JARID2: variants seen among roughly 807,000 people sequenced by gnomAD.
JARID2 encodes the protein jumonji and AT-rich interaction domain containing 2, also known as protein Jumonji.
JARID2 carries 21 observed loss-of-function variants against 125.6 expected under a neutral mutation model. That is an observed-to-expected ratio of 0.17 (90% CI 0.12 to 0.24). The LOEUF (loss-of-function observed/expected upper bound fraction) is 0.24, where lower values mean the gene tolerates loss of function less well. Among genes scored for constraint, JARID2 ranks in the 10% least tolerant of loss-of-function variants. The pLI, the probability that JARID2 is intolerant of heterozygous loss-of-function variation, is 1.00. For synonymous variants in JARID2, 736 were observed against 661.6 expected, an observed-to-expected ratio of 1.11 and a Z score of -1.73; for missense variants, 1,303 against 1,639.6, an observed-to-expected ratio of 0.79 and a Z score of 3.55.
At chr6:15,279,772 C>T (rs781754836) in intron 1 of JARID2, among the ~76,000 whole-genome samples, 1 of 152,220 alleles carries the variant, frequency 6.6e-6, no homozygotes, top group Non-Finnish European at 1.5e-5. Flanking sequence ...CTTTCCTGCT[C>T]AGGTTCTCAT....
At chr6:15,387,942 G>T (rs1025936755) in intron 2 of JARID2, among the ~76,000 whole-genome samples, 3 of 152,066 alleles carry the variant, frequency 2.0e-5, no homozygotes, top group African/African-American at 4.8e-5. Context: ...GTGACTCCCA[G>T]CCATTTTTTA....
At chr6:15,298,321 AGTT>A (rs1761485169) in intron 1 of JARID2, among the ~76,000 whole-genome samples, 1 of 152,196 alleles carries the variant, frequency 6.6e-6, no homozygotes, top group African/African-American at 2.4e-5. Context: ...TTTCATTAGC[AGTT>A]GTTAGTGCAA....
chr6:15,520,423 G>A lies in JARID2; in HGVS notation c.*172G>A. The A allele has an allele frequency of 1.9e-6, 1 of 536,034 alleles. No homozygotes were observed. Among genetic ancestry groups the A allele is most frequent in the South Asian group, 3.1e-5 (1 of 32,398 alleles). 33.2% of individuals were successfully genotyped at this position (536,034 alleles called of 1,614,324 possible). On this transcript the variant is annotated 3_prime_UTR_variant, in exon 18 of 18. Transcript: ENST00000341776. ...GCATTAAACTGTTGAACTTTTTTTT[G>A]TACTTAGAAAACCTAGATACTGCAG...
intron 3 of JARID2, among the ~76,000 whole-genome samples, chr6:15,416,059 G>A (rs1355655689): frequency 1.3e-5 from 2 of 151,820 alleles, no homozygotes; most frequent in African/African-American, 4.8e-5. Flanking sequence ...GGGGCGGCGG[G>A]GCAGAGGCGC....
At chr6:15,505,347 G>GGT (rs1394624170) in intron 9 of JARID2, 2 of 139,746 alleles carry the variant, frequency 1.4e-5, no homozygotes, top group African/African-American at 2.7e-5. Context: ...CTTTTGCTGT[G>GGT]TTTTTTTTTT....
chr6:15,265,093 C>T (rs762200909), intron 1 of JARID2, among the ~76,000 whole-genome samples: 7 of 152,124 alleles, frequency 4.6e-5, no homozygotes, highest in South Asian at 2.1e-4. Context: ...CATTCCAGTG[C>T]GCAGTGTGCA....
chr6:15,415,348 C>T (rs1295571715), intron 3 of JARID2, among the ~76,000 whole-genome samples: 16 of 152,206 alleles, frequency 1.1e-4, no homozygotes, highest in African/African-American at 2.2e-4. Flanking sequence ...CCAGACGGGG[C>T]GGTGGCCGGG....
intron 1 of JARID2, among the ~76,000 whole-genome samples, chr6:15,306,604 C>T (rs545153796): frequency 5.9e-5 from 9 of 152,040 alleles, no homozygotes; most frequent in Non-Finnish European, 1.3e-4. Flanking sequence ...TCCCAAAGTA[C>T]TGGGATTACA....
chr6:15,415,414 CCCAGACGGGGCGGCTGG>C (rs2127577081), intron 3 of JARID2, among the ~76,000 whole-genome samples: 1 of 151,674 alleles, frequency 6.6e-6, no homozygotes, highest in African/African-American at 2.4e-5. Flanking sequence ...CCCCTCACCT[CCCAGACGGGGCGGCTGG>C]CCGGGCGGGG....
At chr6:15,387,897 A>G (rs1211086879) in intron 2 of JARID2, among the ~76,000 whole-genome samples, 2 of 152,138 alleles carry the variant, frequency 1.3e-5, no homozygotes, top group Admixed American at 1.3e-4. Flanking sequence ...AGGGAATCCT[A>G]TCTGTTTAAC....
chr6:15,427,560 C>T (rs998471030), intron 3 of JARID2, among the ~76,000 whole-genome samples: 4 of 152,064 alleles, frequency 2.6e-5, no homozygotes, highest in African/African-American at 7.2e-5. Context: ...TTTCCTTCCT[C>T]CTCTAAGCTC....
chr6:15,272,557 T>G (rs1258194326), intron 1 of JARID2, among the ~76,000 whole-genome samples: 1 of 152,236 alleles, frequency 6.6e-6, no homozygotes, highest in Non-Finnish European at 1.5e-5. Context: ...ACTCTGTGAC[T>G]TAGCCATTTC....
chr6:15,450,188 A>G (rs1767857309), intron 3 of JARID2, among the ~76,000 whole-genome samples: 1 of 152,046 alleles, frequency 6.6e-6, no homozygotes. Context: ...ATTATTTTTG[A>G]GACGGAGTTT....
intron 1 of JARID2, among the ~76,000 whole-genome samples, chr6:15,249,812 T>G (rs1437010392): frequency 6.6e-6 from 1 of 152,226 alleles, no homozygotes; most frequent in African/African-American, 2.4e-5. Context: ...GAGAAACTCA[T>G]AAGTTGCAGT....
chr6:15,380,150 C>T (rs773982804), intron 2 of JARID2, among the ~76,000 whole-genome samples: 17 of 151,950 alleles, frequency 1.1e-4, no homozygotes, highest in Non-Finnish European at 2.1e-4. Context: ...ATTCTCCCAC[C>T]TCAGTCTCCC....
intron 1 of JARID2, among the ~76,000 whole-genome samples, chr6:15,358,607 G>A (rs1167907833): frequency 6.6e-6 from 1 of 152,170 alleles, no homozygotes; most frequent in Non-Finnish European, 1.5e-5. Flanking sequence ...ATGAAAACTT[G>A]TGTCCACTGT....
chr6:15,360,796 C>T (rs190753704), intron 1 of JARID2, among the ~76,000 whole-genome samples: 10 of 152,252 alleles, frequency 6.6e-5, no homozygotes, highest in Admixed American at 5.9e-4. Flanking sequence ...TGAGCCACTG[C>T]GCCCAACCTA....
chr6:15,415,577 T>G lies in JARID2; in HGVS notation c.323+5212T>G, dbSNP rs1321436203. Among the ~76,000 whole-genome samples the G allele has an allele frequency of 3.6e-3, 365 of 102,124 alleles. 3 individuals carry two copies. The highest frequency in any genetic ancestry group is 0.011 in the African/African-American group (288 of 25,886). The allele number at this position is 102,124 out of a possible 152,430, so 67.0% of individuals were successfully genotyped here. A position where few individuals can be genotyped will look rare whatever the true frequency, so the allele number is the denominator to read the frequency against. On this transcript the variant is annotated intron_variant, in intron 3 of 17. Transcript: ENST00000341776. ...GCGCCCCTCACCTCCCGGACGGGGC[T>G]GCTGGCCGGGCGGGGGGCTGACCCC...
intron 1 of JARID2, among the ~76,000 whole-genome samples, chr6:15,296,832 T>C (rs911633388): frequency 6.6e-6 from 1 of 152,232 alleles, no homozygotes; most frequent in African/African-American, 2.4e-5. Context: ...TTGATCACTT[T>C]ATGGTTTTTG....
Sources: gnomAD v4.1 joint callset for allele counts (sites outside exome capture counted in the v4.1 genomes callset) on GRCh38, gnomAD v4.1.1 for gene constraint, MANE v1.5 for transcripts, NCBI Gene and HGNC (gene_info 2026-07-23, HGNC 2026-07-21) for gene names.